Variants in SHANK2 observed in about 807,000 individuals in gnomAD.
The protein encoded by SHANK2 is SH3 and multiple ankyrin repeat domains protein 2.
SHANK2 carries 43 observed loss-of-function variants against 133.7 expected under a neutral mutation model. That is an observed-to-expected ratio of 0.32 (90% CI 0.25 to 0.41). The LOEUF is 0.41. SHANK2 is among the 10% of genes least tolerant of loss of function. The pLI is 1.00. For missense variants in SHANK2, 1,994 were observed against 2,235.8 expected, an observed-to-expected ratio of 0.89 and a Z score of 2.18; for synonymous variants, 1,017 against 952.8, an observed-to-expected ratio of 1.07 and a Z score of -1.24.
At chr11:70,641,860 T>C (rs2061188268) in intron 17 of SHANK2, among the ~76,000 whole-genome samples, 1 of 152,132 alleles carries the variant, frequency 6.6e-6, no homozygotes, top group South Asian at 2.1e-4. Context: ...CCCTGGGCTG[T>C]GGGCAGTCCA....
At chr11:71,091,004 A>C (rs1215831413) in intron 8 of SHANK2, among the ~76,000 whole-genome samples, 1 of 151,672 alleles carries the variant, frequency 6.6e-6, no homozygotes, top group African/African-American at 2.4e-5. Context: ...CATCTTAAAA[A>C]ACACCTTCTC....
chr11:70,884,507 C>G (rs1028034208), intron 11 of SHANK2, among the ~76,000 whole-genome samples: 3 of 152,198 alleles, frequency 2.0e-5, no homozygotes, highest in Non-Finnish European at 4.4e-5. Flanking sequence ...CCAGCCCTGC[C>G]TTGGACCACA....
At chr11:70,833,189 C>A (rs892943944) in intron 11 of SHANK2, among the ~76,000 whole-genome samples, 4 of 152,264 alleles carry the variant, frequency 2.6e-5, no homozygotes, top group Admixed American at 2.0e-4. Flanking sequence ...GGGGCTCCAG[C>A]ACAATGTCAA....
chr11:70,808,540 C>T (rs1948211357), intron 12 of SHANK2, among the ~76,000 whole-genome samples: 1 of 89,566 alleles, frequency 1.1e-5, no homozygotes, highest in Admixed American at 1.7e-4. Flanking sequence ...GCCTGGGCAA[C>T]ATGATGAAAC....
intron 2 of SHANK2, among the ~76,000 whole-genome samples, chr11:71,172,859 T>TAC (rs1488174345): frequency 3.3e-5 from 5 of 152,320 alleles, no homozygotes; most frequent in Non-Finnish European, 7.4e-5. Context: ...CAATGGCAGG[T>TAC]ACACACACAG....
intron 1 of SHANK2, among the ~76,000 whole-genome samples, chr11:71,238,633 C>T (rs1954852339): frequency 6.6e-6 from 1 of 152,240 alleles, no homozygotes; most frequent in Admixed American, 6.5e-5. Context: ...GCTATGCTCC[C>T]TCTGTGGCCC....
At chr11:70,546,639 C>CT (rs2136059397) in intron 17 of SHANK2, among the ~76,000 whole-genome samples, 1 of 152,354 alleles carries the variant, frequency 6.6e-6, no homozygotes, top group Non-Finnish European at 1.5e-5. Flanking sequence ...AAGCCTCCCC[C>CT]TGCCGACTGG....
rs782652683 is a variant in SHANK2 at position 70,896,504 on chromosome 11, T to C, written c.1171A>G (p.Ile391Val). ...EYIKNHKETDIVPFREAPAYS... is the reference protein window; with the variant it reads ...EYIKNHKETDVVPFREAPAYS... ...GTTTCTCCACGTGCCTACTCACCAA[T>C]GTCTGTTTCCTTGTGGTTCTTGATG... The change falls in exon 11 of 26, where the codon ATT (isoleucine) becomes GTT (valine). Residue 391 changes from isoleucine to valine, a missense_variant. Transcript: ENST00000601538. 1.4e-6 allele frequency: 1 copy of C among 717,826 alleles called. No homozygotes were observed. 44.5% of individuals were successfully genotyped at this position (717,826 alleles called of 1,614,324 possible). A position where few individuals can be genotyped will look rare whatever the true frequency, so the allele number is the denominator to read the frequency against.
intron 14 of SHANK2, among the ~76,000 whole-genome samples, chr11:70,761,800 A>G (rs1256037472): frequency 1.3e-5 from 2 of 152,180 alleles, no homozygotes; most frequent in African/African-American, 4.8e-5. Context: ...GTGGCCCTTG[A>G]CCTCAGCCAT....
At chr11:70,822,757 C>T (rs1252038296) in intron 11 of SHANK2, among the ~76,000 whole-genome samples, 2 of 83,988 alleles carry the variant, frequency 2.4e-5, no homozygotes, top group East Asian at 3.8e-4. Flanking sequence ...ACAGAGGTGG[C>T]GCTGGCAGAG....
At chr11:71,143,487 G>C (rs1260792046) in intron 3 of SHANK2, among the ~76,000 whole-genome samples, 2 of 152,220 alleles carry the variant, frequency 1.3e-5, no homozygotes, top group African/African-American at 4.8e-5. Context: ...CCGACTTCTT[G>C]TCTCAGCTCT....
chr11:71,163,388 A>G (rs1953067833), intron 2 of SHANK2, among the ~76,000 whole-genome samples: 1 of 152,118 alleles, frequency 6.6e-6, no homozygotes, highest in African/African-American at 2.4e-5. Context: ...AAATCTATTC[A>G]TTTTGGAAGC....
chr11:70,753,183 A>AC (rs1281990267), intron 14 of SHANK2, among the ~76,000 whole-genome samples: 2 of 151,970 alleles, frequency 1.3e-5, no homozygotes, highest in African/African-American at 2.4e-5. Context: ...TAAAAAAAAA[A>AC]AAACAAAAAA....
At chr11:71,131,059 G>T (rs1411235549) in intron 3 of SHANK2, among the ~76,000 whole-genome samples, 1 of 152,242 alleles carries the variant, frequency 6.6e-6, no homozygotes, top group Non-Finnish European at 1.5e-5. Context: ...CAGGGGCCAC[G>T]GAAAGGTGCG....
chr11:70,649,563 G>C (rs2061315142), intron 17 of SHANK2, among the ~76,000 whole-genome samples: 1 of 152,128 alleles, frequency 6.6e-6, no homozygotes. Flanking sequence ...CCCACGAAAG[G>C]GCACCAAAGG....
intron 10 of SHANK2, among the ~76,000 whole-genome samples, chr11:70,906,582 C>T (rs1331480057): frequency 2.0e-5 from 3 of 152,164 alleles, no homozygotes; most frequent in African/African-American, 7.2e-5. Context: ...CCTGACACCC[C>T]CTCGCCATAA....
chr11:70,662,042 C>G, intron 15 of SHANK2: 1 of 515,758 alleles, frequency 1.9e-6, no homozygotes, highest in Non-Finnish European at 3.5e-6. Context: ...GCCCGAACGG[C>G]GGCGGCGGCA....
At chr11:70,941,516 A>G (rs1185044638) in intron 10 of SHANK2, among the ~76,000 whole-genome samples, 2 of 152,082 alleles carry the variant, frequency 1.3e-5, no homozygotes, top group African/African-American at 4.8e-5. Context: ...TCCCAAATTC[A>G]TATGTCAGAG....
At chr11:71,151,181 C>T (rs1952790475) in intron 2 of SHANK2, among the ~76,000 whole-genome samples, 1 of 152,122 alleles carries the variant, frequency 6.6e-6, no homozygotes, top group East Asian at 1.9e-4. Flanking sequence ...GCCCTGGCAG[C>T]AGAATTGTGG....
Sources: gnomAD v4.1 joint callset for allele counts (sites outside exome capture counted in the v4.1 genomes callset) on GRCh38, gnomAD v4.1.1 for gene constraint, MANE v1.5 for transcripts, NCBI Gene and HGNC (gene_info 2026-07-23, HGNC 2026-07-21) for gene names.